Variants in TSPAN12 observed in about 807,000 individuals in gnomAD.
The protein encoded by TSPAN12 is tetraspanin 12.
Under a neutral mutation model 39.2 loss-of-function variants are expected in TSPAN12, and 19 were observed. The ratio of observed to expected loss-of-function variants is 0.49; its 90% CI spans 0.34 to 0.71. TSPAN12 has a LOEUF of 0.71. Among genes scored for constraint, TSPAN12 ranks in the 30% least tolerant of loss-of-function variants. The probability of loss-of-function intolerance (pLI) is 0.01; values close to 1 mark genes in which losing one functional copy is unlikely to be tolerated. For missense variants in TSPAN12, 314 were observed against 359.9 expected (o/e 0.87, Z 1.03); for synonymous variants, 119 against 124.8 (o/e 0.95, Z 0.31).
At chr7:120,794,396 T>A (rs930048445) in intron 7 of TSPAN12, among the ~76,000 whole-genome samples, 2 of 151,954 alleles carry the variant, frequency 1.3e-5, no homozygotes, top group African/African-American at 4.8e-5. Flanking sequence ...ATCATGGGGG[T>A]AGTTTCCTCA....
rs150675114 is a variant in TSPAN12, at chr7:120,788,815, A to G, written c.695T>C (p.Val232Ala). The change falls in exon 8 of 8, where the codon GTG (valine) becomes GCG (alanine). Residue 232 changes from valine to alanine, a missense_variant. Transcript: ENST00000222747. ...GAGAATCATGGCCAGGATTTGTGTCACCCCAATGGAGATTCCCAGAAACCT... is the reference window on the plus strand; with the variant it reads ...GAGAATCATGGCCAGGATTTGTGTCGCCCCAATGGAGATTCCCAGAAACCT... ...VLRFLGISIG[V>A]TQILAMILTI... 13 of 1,614,092 alleles carry G rather than the reference A, an allele frequency of 8.1e-6. No homozygotes were observed. The African/African-American group carries it at 1.2e-4, about 15-fold the overall frequency.
At chr7:120,822,107 G>T (rs1209986017) in intron 4 of TSPAN12, among the ~76,000 whole-genome samples, 1 of 152,126 alleles carries the variant, frequency 6.6e-6, no homozygotes, top group African/African-American at 2.4e-5. Context: ...TTGTCCACTG[G>T]AAGTATCTGA....
chr7:120,799,573 TATAATTATATGTAATA>T (rs1375300582), intron 7 of TSPAN12, among the ~76,000 whole-genome samples: 5 of 112,156 alleles, frequency 4.5e-5, no homozygotes, highest in African/African-American at 1.8e-4. Context: ...TAATTATTTA[TATAATTATATGTAATA>T]ATATAATTAT....
chr7:120,844,724 T>C (rs938138776), intron 2 of TSPAN12, among the ~76,000 whole-genome samples: 18 of 152,148 alleles, frequency 1.2e-4, no homozygotes, highest in African/African-American at 4.3e-4. Context: ...ACAGTCCCTG[T>C]GGTTGCTTTC....
At chr7:120,845,391 T>G (rs1157235572) in intron 2 of TSPAN12, among the ~76,000 whole-genome samples, 1 of 152,250 alleles carries the variant, frequency 6.6e-6, no homozygotes, top group Non-Finnish European at 1.5e-5. Context: ...TAGTTTATCT[T>G]TTCTACCACA....
intron 4 of TSPAN12, among the ~76,000 whole-genome samples, chr7:120,835,586 T>C (rs1445412836): frequency 6.6e-6 from 1 of 152,156 alleles, no homozygotes; most frequent in Non-Finnish European, 1.5e-5. Context: ...CTCATCTATA[T>C]TAAGTGAATA....
At chr7:120,855,150 AAAC>A (rs1055814790) in intron 2 of TSPAN12, among the ~76,000 whole-genome samples, 4 of 152,172 alleles carry the variant, frequency 2.6e-5, no homozygotes, top group African/African-American at 9.7e-5. Context: ...ATTCTTTATT[AAAC>A]AACAACAACA....
intron 5 of TSPAN12, among the ~76,000 whole-genome samples, chr7:120,811,291 A>C (rs1451967073): frequency 6.6e-6 from 1 of 152,210 alleles, no homozygotes; most frequent in African/African-American, 2.4e-5. Context: ...AGATACTTGC[A>C]CACTCATGTT....
chr7:120,833,428 G>A (rs185111361), intron 4 of TSPAN12, among the ~76,000 whole-genome samples: 10 of 151,366 alleles, frequency 6.6e-5, no homozygotes, highest in African/African-American at 2.4e-4. Context: ...AAAAAAACAA[G>A]GGGAAATTTC....
chr7:120,794,270 T>C (rs987230621), intron 7 of TSPAN12, among the ~76,000 whole-genome samples: 4 of 152,362 alleles, frequency 2.6e-5, no homozygotes, highest in Middle Eastern at 6.8e-3. Context: ...TCATTAGGCA[T>C]GTAGAAACTT....
chr7:120,856,846 G>C lies in TSPAN12; in HGVS notation c.-70-13C>G. ...AAACGGCAGCGATCTGCAGGGGGCG[G>C]GGGAGAGAGAACACGGGACATCTCA... On this transcript the variant is annotated splice_polypyrimidine_tract_variant and intron_variant, in intron 1 of 7. Coordinates refer to ENST00000222747, the MANE Select transcript of TSPAN12 (RefSeq NM_012338.4). 6.9e-7 allele frequency: 1 copy of C among 1,454,534 alleles called. No individual in the cohort carries two copies. Among genetic ancestry groups the C allele is most frequent in the Non-Finnish European group, 9.6e-7 (1 of 1,037,434 alleles). The allele number at this position is 1,454,534 out of a possible 1,614,324, so 90.1% of individuals were successfully genotyped here.
chr7:120,806,706 C>G lies in TSPAN12; in HGVS notation c.469-14G>C. 1 of 1,611,650 alleles carries G rather than the reference C, an allele frequency of 6.2e-7. No homozygotes were observed. Among genetic ancestry groups the G allele is most frequent in the Non-Finnish European group, 8.5e-7 (1 of 1,177,970 alleles). On this transcript the variant is annotated splice_polypyrimidine_tract_variant and intron_variant, in intron 6 of 7. Transcript: ENST00000222747. ...ACAGCACTTAAACTGCAAAAAAAAT[C>G]ACTAGTCAGCCTCAGAAACCACAAA...
chr7:120,832,734 CA>C (rs1292946341), intron 4 of TSPAN12, among the ~76,000 whole-genome samples: 1 of 151,524 alleles, frequency 6.6e-6, no homozygotes, highest in African/African-American at 2.4e-5. Flanking sequence ...TTAAGGAGGG[CA>C]AAAGGAAAGG....
chr7:120,827,214 GATAA>G (rs1161929685), intron 4 of TSPAN12, among the ~76,000 whole-genome samples: 17 of 151,926 alleles, frequency 1.1e-4, no homozygotes, highest in African/African-American at 4.1e-4. Context: ...TTTCAAACAA[GATAA>G]ATACTTTATT....
intron 5 of TSPAN12, among the ~76,000 whole-genome samples, chr7:120,811,912 G>A (rs1332620354): frequency 1.3e-5 from 2 of 152,138 alleles, no homozygotes; most frequent in South Asian, 2.1e-4. Context: ...AAGGATGGGA[G>A]GGGGACGAGG....
intron 2 of TSPAN12, among the ~76,000 whole-genome samples, chr7:120,842,697 C>G (rs1794601410): frequency 6.6e-6 from 1 of 152,138 alleles, no homozygotes; most frequent in Non-Finnish European, 1.5e-5. Context: ...CTGCAGAAGT[C>G]AGGTTCAGTT....
At chr7:120,853,455 C>G (rs1172424519) in intron 2 of TSPAN12, among the ~76,000 whole-genome samples, 3 of 140,220 alleles carry the variant, frequency 2.1e-5, no homozygotes, top group Non-Finnish European at 3.0e-5. Flanking sequence ...AAACCTTAAC[C>G]AAGTCAAGAA....
chr7:120,836,566 A>T (rs1049226769), intron 4 of TSPAN12, among the ~76,000 whole-genome samples: 1 of 152,180 alleles, frequency 6.6e-6, no homozygotes, highest in Non-Finnish European at 1.5e-5. Flanking sequence ...CTGAGCTCAG[A>T]GTTCTTCCTC....
chr7:120,817,738 C>G (rs1562944351), intron 4 of TSPAN12, among the ~76,000 whole-genome samples: 1 of 152,020 alleles, frequency 6.6e-6, no homozygotes, highest in Non-Finnish European at 1.5e-5. Context: ...GAAAATCATC[C>G]TACTAATTTT....
Sources: gnomAD v4.1 joint callset for allele counts (sites outside exome capture counted in the v4.1 genomes callset) on GRCh38, gnomAD v4.1.1 for gene constraint, MANE v1.5 for transcripts, NCBI Gene and HGNC (gene_info 2026-07-23, HGNC 2026-07-21) for gene names.